MAGI1: variants seen among roughly 807,000 people sequenced by gnomAD.
MAGI1 encodes membrane-associated guanylate kinase, WW and PDZ domain-containing protein 1.
A neutral mutation model predicts 139.9 loss-of-function variants in MAGI1; 58 were observed. That is an observed-to-expected ratio of 0.41 (90% CI 0.34 to 0.52). The LOEUF (loss-of-function observed/expected upper bound fraction) is 0.52. Ranked by LOEUF, MAGI1 falls within the 20% of genes least tolerant of loss-of-function variation. The probability of loss-of-function intolerance (pLI) is 0.12; values close to 1 mark genes in which losing one functional copy is unlikely to be tolerated. For synonymous variants in MAGI1, 812 were observed against 737.9 expected, an observed-to-expected ratio of 1.10 and a Z score of -1.63; for missense variants, 1,874 against 1,901.6, an observed-to-expected ratio of 0.99 and a Z score of 0.27.
At chr3:65,549,875 A>T (rs17073081) in intron 2 of MAGI1, among the ~76,000 whole-genome samples, 12,429 of 152,126 alleles carry the variant, frequency 0.082, 633 homozygotes, top group East Asian at 0.13. Flanking sequence ...ATACAGCAGG[A>T]AGAGAGCTGA....
At chr3:66,013,760 C>CAA (rs372862676) in intron 1 of MAGI1, among the ~76,000 whole-genome samples, 42 of 81,530 alleles carry the variant, frequency 5.2e-4, no homozygotes, top group African/African-American at 1.6e-3. Context: ...GACTCTGTCT[C>CAA]AAAAAAAAAA....
intron 22 of MAGI1, chr3:65,359,041 C>A: frequency 1.2e-6 from 2 of 1,601,164 alleles, no homozygotes; most frequent in Non-Finnish European, 1.7e-6. Context: ...ACAGAAACAC[C>A]TAGTATTGAT....
At chr3:65,991,970 G>A (rs1054010755) in intron 1 of MAGI1, among the ~76,000 whole-genome samples, 4 of 151,984 alleles carry the variant, frequency 2.6e-5, no homozygotes, top group African/African-American at 2.4e-5. Context: ...AGCCGAGATC[G>A]CACCACTGCA....
At chr3:65,411,930 C>T (rs184266469) in intron 12 of MAGI1, among the ~76,000 whole-genome samples, 54 of 152,276 alleles carry the variant, frequency 3.5e-4, no homozygotes, top group African/African-American at 1.3e-3. Flanking sequence ...CTTCTCTTGC[C>T]TAGATGACCA....
At chr3:65,825,240 T>C (rs1268028831) in intron 1 of MAGI1, among the ~76,000 whole-genome samples, 4 of 152,224 alleles carry the variant, frequency 2.6e-5, no homozygotes, top group Non-Finnish European at 5.9e-5. Flanking sequence ...ACATTCTTTT[T>C]TTCCACTAAC....
At chr3:65,915,404 T>C (rs2061852020) in intron 1 of MAGI1, among the ~76,000 whole-genome samples, 1 of 152,236 alleles carries the variant, frequency 6.6e-6, no homozygotes, top group Non-Finnish European at 1.5e-5. Flanking sequence ...CCTCTAAAAT[T>C]CACACCCGTT....
chr3:65,766,337 A>G (rs1428680724), intron 1 of MAGI1, among the ~76,000 whole-genome samples: 2 of 152,144 alleles, frequency 1.3e-5, no homozygotes, highest in Non-Finnish European at 2.9e-5. Flanking sequence ...GCTAGAATAT[A>G]CCCAAGCTAT....
intron 1 of MAGI1, among the ~76,000 whole-genome samples, chr3:65,671,097 C>A (rs1045558169): frequency 2.6e-5 from 4 of 152,178 alleles, no homozygotes; most frequent in African/African-American, 9.7e-5. Flanking sequence ...TTACTCCTCA[C>A]CACAACCCTG....
chr3:65,940,716 TTATGGAACTAC>T (rs1382768662), intron 1 of MAGI1, among the ~76,000 whole-genome samples: 1 of 152,216 alleles, frequency 6.6e-6, no homozygotes, highest in East Asian at 1.9e-4. Flanking sequence ...ATTCTGAATT[TTATGGAACTAC>T]TACAAGGAGT....
At chr3:65,462,400 G>C (rs918794697) in intron 5 of MAGI1, among the ~76,000 whole-genome samples, 3 of 152,032 alleles carry the variant, frequency 2.0e-5, no homozygotes, top group South Asian at 4.1e-4. Context: ...GCTTGTTTTT[G>C]TCAGGTTTGT....
chr3:65,447,919 T>G, intron 7 of MAGI1, 103 bp downstream of exon 7: 2 of 1,291,482 alleles, frequency 1.5e-6, no homozygotes, highest in Middle Eastern at 1.9e-4. Flanking sequence ...ATTGGAGGAG[T>G]GCAAACTAAA....
chr3:65,945,898 C>A (rs190066676), intron 1 of MAGI1, among the ~76,000 whole-genome samples: 2 of 152,322 alleles, frequency 1.3e-5, no homozygotes, highest in Admixed American at 6.5e-5. Flanking sequence ...AGAGACAGAG[C>A]AGTGGCTAAA....
intron 1 of MAGI1, among the ~76,000 whole-genome samples, chr3:66,030,222 C>T (rs1576521851): frequency 6.6e-6 from 1 of 152,166 alleles, no homozygotes; most frequent in East Asian, 1.9e-4. Context: ...TTAGCCCCAG[C>T]CATTGACTGT....
intron 1 of MAGI1, among the ~76,000 whole-genome samples, chr3:65,879,473 TA>T (rs2060241540): frequency 6.6e-6 from 1 of 152,110 alleles, no homozygotes; most frequent in Non-Finnish European, 1.5e-5. Flanking sequence ...ACACTTGGAA[TA>T]AATGTTACCT....
chr3:65,483,916 T>C (rs758819181), intron 3 of MAGI1, among the ~76,000 whole-genome samples: 6 of 152,218 alleles, frequency 3.9e-5, no homozygotes, highest in Non-Finnish European at 5.9e-5. Context: ...TTATAAAATA[T>C]TTAAGGAGGA....
At chr3:65,544,333 C>T (rs1029042413) in intron 2 of MAGI1, among the ~76,000 whole-genome samples, 3 of 152,132 alleles carry the variant, frequency 2.0e-5, no homozygotes, top group African/African-American at 7.2e-5. Flanking sequence ...TGCTAGTCAA[C>T]GTATCACTCA....
chr3:65,548,509 C>CTTTTTTTTTTTTTTT (rs1306099660), intron 2 of MAGI1, among the ~76,000 whole-genome samples: 1 of 117,404 alleles, frequency 8.5e-6, no homozygotes, highest in African/African-American at 3.5e-5. Context: ...GCAAACAACA[C>CTTTTTTTTTTTTTTT]TCTTTTTTTT....
At chr3:65,426,006 A>G (rs759826053) in intron 12 of MAGI1, among the ~76,000 whole-genome samples, 1 of 152,182 alleles carries the variant, frequency 6.6e-6, no homozygotes, top group Admixed American at 6.5e-5. Flanking sequence ...TGCAGATGCT[A>G]TGTTCAAAAT....
chr3:65,955,501 G>A (rs1450261820), intron 1 of MAGI1, among the ~76,000 whole-genome samples: 30 of 152,122 alleles, frequency 2.0e-4, no homozygotes, highest in Admixed American at 5.2e-4. Flanking sequence ...GAGAAGGCTC[G>A]GAGGGAACCC....
Sources: gnomAD v4.1 joint callset for allele counts (sites outside exome capture counted in the v4.1 genomes callset) on GRCh38, gnomAD v4.1.1 for gene constraint, MANE v1.5 for transcripts, NCBI Gene and HGNC (gene_info 2026-07-23, HGNC 2026-07-21) for gene names.